Variants in NID2 observed in about 807,000 individuals in gnomAD.
NID2 encodes the protein nidogen 2, also known as nidogen-2.
Under a neutral mutation model 145.4 loss-of-function variants are expected in NID2, and 83 were observed. The observed-to-expected ratio is 0.57, with a 90% CI of 0.48 to 0.69. NID2 has a LOEUF of 0.69. Among genes scored for constraint, NID2 ranks in the 30% least tolerant of loss-of-function variants. NID2 has a pLI of 0.00. For synonymous variants in NID2, 739 were observed against 701.3 expected, an observed-to-expected ratio of 1.05 and a Z score of -0.85; for missense variants, 1,807 against 1,765.7, an observed-to-expected ratio of 1.02 and a Z score of -0.42.
intron 14 of NID2, among the ~76,000 whole-genome samples, chr14:52,017,649 C>T (rs1359247526): frequency 1.3e-5 from 2 of 152,032 alleles, no homozygotes; most frequent in African/African-American, 4.8e-5. Flanking sequence ...CTTCAAATCC[C>T]AGATGGAGTT....
chr14:52,037,210 TAAC>T (rs1317208941), intron 9 of NID2, among the ~76,000 whole-genome samples: 3 of 152,236 alleles, frequency 2.0e-5, no homozygotes, highest in Non-Finnish European at 2.9e-5. Context: ...GCACCATAGT[TAAC>T]AATAGTTTAA....
chr14:52,006,633 G>GGTA lies in NID2; in HGVS notation c.3905_3907dup (p.Leu1302dup). The GGTA allele has an allele frequency of 1.2e-6, 2 of 1,613,806 alleles. No individual in the cohort carries two copies. The highest frequency in any genetic ancestry group is 1.7e-6 in the Non-Finnish European group (2 of 1,179,738). On this transcript the variant is annotated inframe_insertion, in exon 20 of 22. Transcript: ENST00000216286. ...AATGACACGCCGTCCAGTTCCATCA[G>GGTA]GTAGTGTACACTCCAGTTTTTTGGT...
chr14:52,028,517 C>A, intron 11 of NID2: 1 of 442,256 alleles, frequency 2.3e-6, no homozygotes, highest in Non-Finnish European at 3.9e-6. Context: ...CTCAAGCGAT[C>A]CACCTGCCTC....
At chr14:52,025,236 G>T (rs553618445) in intron 12 of NID2, among the ~76,000 whole-genome samples, 10 of 152,194 alleles carry the variant, frequency 6.6e-5, no homozygotes, top group African/African-American at 2.4e-4. Flanking sequence ...CCTGTAGAGG[G>T]TATCTGTAAA....
In NID2 at chr14:52,028,932, A is replaced by C; in HGVS notation, c.2402-82T>G. 3.5e-6 allele frequency: 5 copies of C among 1,416,504 alleles called. No homozygotes were observed. The South Asian group carries it at 6.6e-5, about 19-fold the overall frequency. The allele number at this position is 1,416,504 out of a possible 1,614,324, so 87.7% of individuals were successfully genotyped here. A position where few individuals can be genotyped will look rare whatever the true frequency, so the allele number is the denominator to read the frequency against. ...GGGTCTAAAAACTCAATGTTTTCTC[A>C]CTAGTATGATGCTTCAATGGGACAA... On this transcript the variant is annotated intron_variant, in intron 10 of 21. Coordinates refer to ENST00000216286, the MANE Select transcript of NID2 (RefSeq NM_007361.4).
In NID2 at chr14:52,053,936, A is replaced by G; in HGVS notation, c.1072T>C (p.Ser358Pro). The G allele has an allele frequency of 6.2e-7, 1 of 1,613,412 alleles. No homozygotes were observed. Among genetic ancestry groups the G allele is most frequent in the Non-Finnish European group, 8.5e-7 (1 of 1,179,742 alleles). Residue 358 changes from serine (S) to proline (P), a missense_variant and splice_region_variant, in exon 5 of 22, where the codon TCT becomes CCT. Ser to Pro is a moderately conservative substitution (Grantham distance 74, BLOSUM62 -1). Transcript: ENST00000216286. ...TTGGTGTGAGGATCCAAGGTGGAAG[A>G]TTCTGTTTCAGGATAGAATGGCCAA... ...SKVDTKPLEE[S>P]STLDPHTKEG...
At chr14:52,005,523 A>AGGGTGGTGGGTGAGTATATTGT (rs1356471358) in intron 21 of NID2, 27 bp from the exon 22 acceptor site, 6 of 1,594,674 alleles carry the variant, frequency 3.8e-6, no homozygotes, top group Non-Finnish European at 5.1e-6. Context: ...GGGGTGGGAC[A>AGGGTGGTGGGTGAGTATATTGT]GGGTGGTGGG....
intron 14 of NID2, among the ~76,000 whole-genome samples, chr14:52,018,195 G>A (rs916506727): frequency 1.3e-5 from 2 of 152,220 alleles, no homozygotes; most frequent in African/African-American, 2.4e-5. Context: ...TAAAAGCCAA[G>A]ACTAGTATTT....
intron 8 of NID2, among the ~76,000 whole-genome samples, chr14:52,039,249 T>TA (rs928304679): frequency 2.6e-5 from 4 of 152,202 alleles, no homozygotes; most frequent in African/African-American, 9.6e-5. Context: ...CAGTGCTCTC[T>TA]ACATACTGCC....
intron 5 of NID2, among the ~76,000 whole-genome samples, chr14:52,046,471 C>T (rs934485951): frequency 3.5e-4 from 53 of 152,226 alleles, no homozygotes; most frequent in African/African-American, 1.3e-3. Flanking sequence ...TTCTGCAACC[C>T]AATTCTTATT....
chr14:52,022,198 G>A (rs768842430), intron 12 of NID2, among the ~76,000 whole-genome samples: 2 of 152,102 alleles, frequency 1.3e-5, no homozygotes, highest in Non-Finnish European at 2.9e-5. Context: ...TAAGAATTCT[G>A]ACTCAATCTG....
intron 5 of NID2, among the ~76,000 whole-genome samples, chr14:52,047,507 G>C (rs1306967296): frequency 6.6e-6 from 1 of 152,154 alleles, no homozygotes; most frequent in Non-Finnish European, 1.5e-5. Context: ...TGAGTGAGAT[G>C]GGAAGCACTA....
intron 5 of NID2, among the ~76,000 whole-genome samples, chr14:52,045,397 A>T (rs1008987560): frequency 5.3e-5 from 8 of 152,184 alleles, no homozygotes; most frequent in African/African-American, 1.9e-4. Context: ...CATAGTAGGA[A>T]TGAAGTTATG....
At chr14:52,032,585 T>C (rs71426496) in intron 9 of NID2, among the ~76,000 whole-genome samples, 12,881 of 56,956 alleles carry the variant, frequency 0.23, 604 homozygotes, top group Middle Eastern at 0.36. Flanking sequence ...CGTGATCATC[T>C]CCCATCATTT....
intron 18 of NID2, chr14:52,008,904 C>T (rs755490688): frequency 2.6e-5 from 4 of 151,908 alleles, no homozygotes; most frequent in Non-Finnish European, 5.9e-5. Context: ...TTAAATGCCA[C>T]GTTAAAAATG....
chr14:52,027,360 G>C lies in NID2; in HGVS notation c.2531-16C>G. ...GGGGTGATCACTGAAAAGAGAAGAA[G>C]ATAAGGGCATCCAGAGTTTAGGCCT... On this transcript the variant is annotated splice_polypyrimidine_tract_variant and intron_variant, in intron 11 of 21. Coordinates refer to ENST00000216286, the MANE Select transcript of NID2 (RefSeq NM_007361.4). 6.6e-7 allele frequency: 1 copy of C among 1,514,370 alleles called. No homozygotes were observed. Among genetic ancestry groups the C allele is most frequent in the Non-Finnish European group, 8.8e-7 (1 of 1,132,236 alleles). The allele number at this position is 1,514,370 out of a possible 1,614,324, so 93.8% of individuals were successfully genotyped here.
chr14:52,040,680 T>C lies in NID2; in HGVS notation c.1997A>G (p.Tyr666Cys), dbSNP rs759615918. 2.5e-6 allele frequency: 4 copies of C among 1,614,000 alleles called. No individual in the cohort carries two copies. Among genetic ancestry groups the C allele is most frequent in the Non-Finnish European group, 3.4e-6 (4 of 1,179,994 alleles). The change falls in exon 8 of 22, where the codon TAC becomes TGC. Residue 666 changes from tyrosine to cysteine, a missense_variant. Transcript: ENST00000216286. ...SANFTAHISP[Y>C]KELYHYSDST... The stretch of plus-strand genomic sequence containing the variant: ...GTCGGAGTAGTGGTACAGCTCCTTG[T>C]AGGGAGAGATGTGGGCTGTGAAATT...
intron 16 of NID2, 49 bp downstream of exon 16, chr14:52,014,238 A>G: frequency 6.2e-7 from 1 of 1,610,850 alleles, no homozygotes; most frequent in Non-Finnish European, 8.5e-7. Flanking sequence ...GGTGGCTCCC[A>G]CTGGGAAAGC....
rs74496147 is a variant in NID2 at position 52,067,454 on chromosome 14, T to C, written c.534+404A>G. On this transcript the variant is annotated intron_variant, in intron 2 of 21. Transcript: ENST00000216286. Reference sequence around the variant, plus strand: ...AAAATGTTTATCAGTGGTGGGAAAATGAGTGGTTGTTTTCTTTTTTAAAAT... The same window carrying C: ...AAAATGTTTATCAGTGGTGGGAAAACGAGTGGTTGTTTTCTTTTTTAAAAT... Among the ~76,000 whole-genome samples, 551 of 152,242 alleles carry C rather than the reference T, an allele frequency of 3.6e-3. 4 individuals carry two copies. The highest frequency in any genetic ancestry group is 0.01 in the Middle Eastern group (3 of 294).
Sources: gnomAD v4.1 joint callset for allele counts (sites outside exome capture counted in the v4.1 genomes callset) on GRCh38, gnomAD v4.1.1 for gene constraint, MANE v1.5 for transcripts, NCBI Gene and HGNC (gene_info 2026-07-23, HGNC 2026-07-21) for gene names.